TNIK: variants seen among roughly 807,000 people sequenced by gnomAD.
TNIK encodes TRAF2 and NCK interacting kinase, also known as TRAF2 and NCK-interacting protein kinase.
TNIK carries 49 observed loss-of-function variants against 191.3 expected under a neutral mutation model. That is an observed-to-expected ratio of 0.26 (90% CI 0.20 to 0.32). The LOEUF is 0.32. Among genes scored for constraint, TNIK ranks in the 10% least tolerant of loss-of-function variants. The pLI, the probability that TNIK is intolerant of heterozygous loss-of-function variation, is 1.00. For missense variants in TNIK, 1,155 were observed against 1,702.3 expected, an observed-to-expected ratio of 0.68 and a Z score of 5.66; for synonymous variants, 594 against 600.9, an observed-to-expected ratio of 0.99 and a Z score of 0.17.
At position 171,366,967 on chromosome 3, in the gene TNIK, C is replaced by T. The variant is rs1239705236; in HGVS notation, c.123+2653G>A. On this transcript the variant is annotated intron_variant, in intron 2 of 32. Transcript: ENST00000436636. This position sits in a 1 kb window ranked among gnomAD's most constrained non-coding sequence, Gnocchi z 4.1. ...GTGAAGAGGTGGCTTCTGCCATGAT[C>T]GTAAATTTCCTGAGGCCTCCTCAGC... 3.3e-5 allele frequency among the ~76,000 whole-genome samples: 5 copies of T among 152,172 alleles called. No individual in the cohort carries two copies. The highest frequency in any genetic ancestry group is 1.3e-4 in the Admixed American group (2 of 15,276).
intron 7 of TNIK, among the ~76,000 whole-genome samples, chr3:171,180,950 C>G (rs1179202169): frequency 6.6e-6 from 1 of 152,310 alleles, no homozygotes; most frequent in East Asian, 1.9e-4. Context: ...CAGTTTCATG[C>G]TATAAAACTC....
intron 5 of TNIK, among the ~76,000 whole-genome samples, chr3:171,191,943 C>T (rs1045755638): frequency 1.3e-4 from 20 of 152,264 alleles, no homozygotes; most frequent in Admixed American, 5.2e-4. Flanking sequence ...ATCGGGTCCC[C>T]GAGTGTTCTT....
chr3:171,161,460 G>T, intron 10 of TNIK, 124 bp from the exon 11 acceptor site: 2 of 712,942 alleles, frequency 2.8e-6, no homozygotes, highest in Non-Finnish European at 4.3e-6. Flanking sequence ...GCGCTGGAAC[G>T]GTCTCCAGGC....
intron 25 of TNIK, 103 bp from the exon 26 acceptor site, chr3:171,084,428 A>G: frequency 1.5e-6 from 2 of 1,346,706 alleles, no homozygotes; most frequent in South Asian, 3.0e-5. Context: ...TTTGAATTAT[A>G]GTAAAGGCAA....
At chr3:171,314,851 A>G (rs1008545114) in intron 2 of TNIK, among the ~76,000 whole-genome samples, 24 of 152,158 alleles carry the variant, frequency 1.6e-4, no homozygotes, top group Non-Finnish European at 2.6e-4. Flanking sequence ...GCCGCACCCC[A>G]TACTCATGAA....
chr3:171,068,553 T>C (rs1329448031), intron 30 of TNIK, among the ~76,000 whole-genome samples: 1 of 152,228 alleles, frequency 6.6e-6, no homozygotes, highest in Non-Finnish European at 1.5e-5. Context: ...CTACCGAATA[T>C]AATTCATGCC....
At chr3:171,316,329 C>T (rs1442732650) in intron 2 of TNIK, among the ~76,000 whole-genome samples, 1 of 152,052 alleles carries the variant, frequency 6.6e-6, no homozygotes, top group African/African-American at 2.4e-5. Context: ...AATAAAGGTA[C>T]ACACAATAGG....
rs181026434 is a variant in TNIK, at chr3:171,252,806, G to A, written c.124-24585C>T. Among the ~76,000 whole-genome samples, 3 of 152,206 alleles carry A rather than the reference G, an allele frequency of 2.0e-5. No homozygotes were observed. In the East Asian group the frequency reaches 5.8e-4, roughly 29 times the overall value. On this transcript the variant is annotated intron_variant, in intron 2 of 32. Transcript: ENST00000436636. ...GGAATGGGGAGAGCACTCGGTTCCTGGTGACACCATCTAAATCTTGAAGAA... is the reference window on the plus strand; with the variant it reads ...GGAATGGGGAGAGCACTCGGTTCCTAGTGACACCATCTAAATCTTGAAGAA...
intron 4 of TNIK, among the ~76,000 whole-genome samples, chr3:171,204,452 A>G (rs376113429): frequency 6.6e-6 from 1 of 152,248 alleles, no homozygotes; most frequent in Non-Finnish European, 1.5e-5. Flanking sequence ...TATTTCATGT[A>G]GTCTGAATAC....
intron 2 of TNIK, among the ~76,000 whole-genome samples, chr3:171,287,439 G>A (rs1751143676): frequency 6.6e-6 from 1 of 152,156 alleles, no homozygotes; most frequent in Non-Finnish European, 1.5e-5. Flanking sequence ...CCCCAGCTGT[G>A]CACAACCTGA....
rs541247478 is a variant in TNIK, at chr3:171,063,640, G to A, written c.*241C>T. The A allele has an allele frequency of 9.1e-6, 4 of 441,266 alleles. 1 individual carries two copies. In the East Asian group the frequency reaches 1.6e-4, roughly 18 times the overall value. The allele number at this position is 441,266 out of a possible 1,614,324, so 27.3% of individuals were successfully genotyped here. A position where few individuals can be genotyped will look rare whatever the true frequency, so the allele number is the denominator to read the frequency against. ...GGCACATGGTCCATCTTTGTCCACAGACAAGGCAGCATTCTTGGGGATCTC... is the reference window on the plus strand; with the variant it reads ...GGCACATGGTCCATCTTTGTCCACAAACAAGGCAGCATTCTTGGGGATCTC... On this transcript the variant is annotated 3_prime_UTR_variant, in exon 33 of 33. Coordinates refer to ENST00000436636, the MANE Select transcript of TNIK (RefSeq NM_015028.4).
chr3:171,086,561 T>C (rs2108384653), intron 24 of TNIK, among the ~76,000 whole-genome samples: 1 of 152,366 alleles, frequency 6.6e-6, no homozygotes, highest in East Asian at 1.9e-4. Flanking sequence ...CCTTGGGGTA[T>C]GCAAAGCTCA....
chr3:171,101,325 C>A, intron 22 of TNIK, 124 bp downstream of exon 22: 2 of 1,125,640 alleles, frequency 1.8e-6, no homozygotes, highest in Non-Finnish European at 2.5e-6. Context: ...AACCCAAGTC[C>A]CGAAAGTCAA....
At chr3:171,331,307 G>A (rs1756402854) in intron 2 of TNIK, among the ~76,000 whole-genome samples, 1 of 152,164 alleles carries the variant, frequency 6.6e-6, no homozygotes, top group Non-Finnish European at 1.5e-5. Context: ...TAGGAATATG[G>A]CAAAGAGAGC....
At chr3:171,175,375 AC>A in intron 8 of TNIK, 45 bp from the exon 9 acceptor site, 1 of 1,544,582 alleles carries the variant, frequency 6.5e-7, no homozygotes, top group African/African-American at 1.4e-5. Context: ...AGGAGGCCAA[AC>A]CCAGGCCAAG....
chr3:171,303,618 G>A (rs770054193), intron 2 of TNIK, among the ~76,000 whole-genome samples: 34 of 152,086 alleles, frequency 2.2e-4, no homozygotes, highest in Non-Finnish European at 4.6e-4. Context: ...AGAATTTGGG[G>A]CATTTTATGG....
intron 1 of TNIK, among the ~76,000 whole-genome samples, chr3:171,369,919 C>G (rs914269275): frequency 7.9e-5 from 12 of 152,080 alleles, no homozygotes; most frequent in Admixed American, 4.6e-4. Flanking sequence ...GTGTTTAAAT[C>G]AGGCAAAAGG....
At chr3:171,127,680 G>A (rs1019610284) in intron 16 of TNIK, among the ~76,000 whole-genome samples, 7 of 152,124 alleles carry the variant, frequency 4.6e-5, no homozygotes, top group African/African-American at 1.4e-4. Context: ...TGAGGGTTAG[G>A]CATGAAAGAA....
intron 28 of TNIK, among the ~76,000 whole-genome samples, chr3:171,075,384 G>A (rs948936238): frequency 6.6e-6 from 1 of 152,090 alleles, no homozygotes; most frequent in Non-Finnish European, 1.5e-5. Flanking sequence ...GAGAATGATG[G>A]GATGTATGTT....
Sources: allele counts gnomAD v4.1 joint callset (sites outside exome capture counted in the v4.1 genomes callset), GRCh38; gene constraint gnomAD v4.1.1; non-coding constraint Gnocchi (gnomAD v3.1); transcripts MANE v1.5; gene names NCBI Gene and HGNC (gene_info 2026-07-23, HGNC 2026-07-21).